Variants in KCNIP4 observed in about 807,000 individuals in gnomAD.
KCNIP4 encodes Kv channel-interacting protein 4.
In KCNIP4, 12 loss-of-function variants were observed where a neutral mutation model predicts 34.0. The observed-to-expected ratio is 0.35, with a 90% CI of 0.23 to 0.57. The LOEUF (loss-of-function observed/expected upper bound fraction) is 0.57. Among genes scored for constraint, KCNIP4 ranks in the 20% least tolerant of loss-of-function variants. The pLI is 0.83. For synonymous variants in KCNIP4, 124 were observed against 102.2 expected (o/e 1.21, Z -1.29); for missense variants, 238 against 311.7 (o/e 0.76, Z 1.78).
chr4:21,717,452 T>C (rs1714473375), intron 1 of KCNIP4, among the ~76,000 whole-genome samples: 1 of 152,144 alleles, frequency 6.6e-6, no homozygotes, highest in Admixed American at 6.5e-5. Context: ...CAAATGCACT[T>C]GGATTTAGCA....
intron 1 of KCNIP4, among the ~76,000 whole-genome samples, chr4:21,589,063 C>T (rs915382881): frequency 9.7e-5 from 14 of 144,754 alleles, no homozygotes; most frequent in South Asian, 4.3e-4. Context: ...TAGTGAGAGA[C>T]GAAAAGAAGA....
chr4:21,509,384 T>C (rs1734114547), intron 1 of KCNIP4, among the ~76,000 whole-genome samples: 1 of 152,150 alleles, frequency 6.6e-6, no homozygotes, highest in African/African-American at 2.4e-5. Context: ...AATATAAACC[T>C]CCTGCTGGAG....
At chr4:20,776,361 G>C (rs946751223) in intron 3 of KCNIP4, among the ~76,000 whole-genome samples, 4 of 152,078 alleles carry the variant, frequency 2.6e-5, no homozygotes, top group African/African-American at 9.7e-5. Context: ...CCCAGAAGGA[G>C]ATTAATATTT....
Position 21,843,538 on chromosome 4 carries a change from T to C in KCNIP4, c.61+105033A>G, listed in dbSNP as rs1723820555. ...GAAGTGGGTCATAAGACCCTCATTC[T>C]AGAGTGGCTTCCATATTCCCAGAAG... On this transcript the variant is annotated intron_variant, in intron 1 of 8. Coordinates refer to ENST00000382152, the MANE Select transcript of KCNIP4 (RefSeq NM_025221.6). 3 of 152,028 alleles carry C rather than the reference T, an allele frequency of 2.0e-5. No individual in the cohort carries two copies. In the South Asian group the frequency reaches 6.2e-4, roughly 32 times the overall value. 9.4% of individuals were successfully genotyped at this position (152,028 alleles called of 1,614,324 possible). A position where few individuals can be genotyped will look rare whatever the true frequency, so the allele number is the denominator to read the frequency against.
At chr4:20,827,726 C>A (rs1397520328) in intron 3 of KCNIP4, among the ~76,000 whole-genome samples, 2 of 150,780 alleles carry the variant, frequency 1.3e-5, no homozygotes, top group African/African-American at 4.9e-5. Flanking sequence ...TCTTTAAGCA[C>A]ATAGAGCAAA....
At position 20,728,772 on chromosome 4, in the gene KCNIP4, A is replaced by ACACCAGAATAGATACCTGATTT. The variant is rs1553880770; in HGVS notation, c.*1288_*1309dup. 6.6e-6 allele frequency: 1 copy of ACACCAGAATAGATACCTGATTT among 152,496 alleles called. No individual in the cohort carries two copies. Among genetic ancestry groups the ACACCAGAATAGATACCTGATTT allele is most frequent in the Admixed American group, 6.6e-5 (1 of 15,260 alleles). The allele number at this position is 152,496 out of a possible 1,614,324, so 9.4% of individuals were successfully genotyped here. ...GGGCAGCTTTCAACATCCTATCTCT[A>ACACCAGAATAGATACCTGATTT]CACCAGAATAGATACCTGATTTATT... On this transcript the variant is annotated 3_prime_UTR_variant, in exon 9 of 9. Coordinates refer to ENST00000382152, the MANE Select transcript of KCNIP4 (RefSeq NM_025221.6).
chr4:21,092,066 CT>C (rs1279679053), intron 1 of KCNIP4, among the ~76,000 whole-genome samples: 1 of 152,194 alleles, frequency 6.6e-6, no homozygotes, highest in Non-Finnish European at 1.5e-5. Context: ...AACCCAGAAA[CT>C]TCTGCAATGT....
chr4:21,764,862 A>C (rs1718301404), intron 1 of KCNIP4, among the ~76,000 whole-genome samples: 2 of 152,018 alleles, frequency 1.3e-5, no homozygotes, highest in Admixed American at 1.3e-4. Context: ...TGGAGTGTAC[A>C]GGCATTGAAG....
At chr4:21,434,353 C>T (rs1374088768) in intron 1 of KCNIP4, among the ~76,000 whole-genome samples, 4 of 152,084 alleles carry the variant, frequency 2.6e-5, no homozygotes, top group Non-Finnish European at 5.9e-5. Flanking sequence ...GGACAATTCT[C>T]ATAAAAAATG....
At chr4:21,038,991 G>A (rs1369647234) in intron 1 of KCNIP4, among the ~76,000 whole-genome samples, 1 of 152,186 alleles carries the variant, frequency 6.6e-6, no homozygotes, top group Non-Finnish European at 1.5e-5. Context: ...GTTCACTGCA[G>A]GCAGTTTTGT....
chr4:21,277,247 C>A (rs1762499713), intron 1 of KCNIP4, among the ~76,000 whole-genome samples: 1 of 151,988 alleles, frequency 6.6e-6, no homozygotes, highest in African/African-American at 2.4e-5. Context: ...TGAAAGTCAC[C>A]AATAAACAAG....
At position 20,933,690 on chromosome 4, in the gene KCNIP4, T is replaced by G. The variant is rs569920220; in HGVS notation, c.62-50981A>C. Among the ~76,000 whole-genome samples, 3 of 152,036 alleles carry G rather than the reference T, an allele frequency of 2.0e-5. No homozygotes were observed. The South Asian group carries it at 6.2e-4, about 32-fold the overall frequency. ...TAAGCTAAAATTATATGGATTTGACTCTTCATTTCCTTCTTTTGCCATAAC... is the reference window on the plus strand; with the variant it reads ...TAAGCTAAAATTATATGGATTTGACGCTTCATTTCCTTCTTTTGCCATAAC... On this transcript the variant is annotated intron_variant, in intron 1 of 8. Transcript: ENST00000382152.
intron 1 of KCNIP4, among the ~76,000 whole-genome samples, chr4:20,976,980 T>A (rs1160341598): frequency 6.6e-6 from 1 of 152,096 alleles, no homozygotes; most frequent in African/African-American, 2.4e-5. Flanking sequence ...ATTACAGGCA[T>A]GCACCACCAC....
intron 1 of KCNIP4, among the ~76,000 whole-genome samples, chr4:21,259,319 A>G (rs1442484858): frequency 2.0e-5 from 3 of 152,220 alleles, no homozygotes; most frequent in Admixed American, 6.5e-5. Flanking sequence ...ATGTGGTCAA[A>G]TACAGTGGGT....
chr4:20,784,683 A>G (rs1360693641), intron 3 of KCNIP4, among the ~76,000 whole-genome samples: 3 of 151,918 alleles, frequency 2.0e-5, no homozygotes, highest in Non-Finnish European at 4.4e-5. Context: ...AAAGTTATGG[A>G]ATGTGTAGGG....
chr4:21,133,015 A>G (rs80064749), intron 1 of KCNIP4, among the ~76,000 whole-genome samples: 2 of 17,388 alleles, frequency 1.2e-4, no homozygotes, highest in African/African-American at 2.5e-4. Context: ...TCCATCTCAG[A>G]AAAAAAAAAA....
At chr4:21,134,408 T>C (rs1751338245) in intron 1 of KCNIP4, among the ~76,000 whole-genome samples, 1 of 152,218 alleles carries the variant, frequency 6.6e-6, no homozygotes, top group African/African-American at 2.4e-5. Context: ...AAATACATGT[T>C]GATTTACTAT....
At chr4:20,864,245 T>A (rs1043804723) in intron 2 of KCNIP4, among the ~76,000 whole-genome samples, 2 of 96,222 alleles carry the variant, frequency 2.1e-5, no homozygotes, top group Non-Finnish European at 4.4e-5. Context: ...CACATATGTA[T>A]GTATATATGC....
At chr4:21,033,461 T>C (rs1422286495) in intron 1 of KCNIP4, among the ~76,000 whole-genome samples, 1 of 152,208 alleles carries the variant, frequency 6.6e-6, no homozygotes, top group Non-Finnish European at 1.5e-5. Flanking sequence ...AGGAAACCTT[T>C]AGTAAATATC....
Sources: gnomAD v4.1 joint callset for allele counts (sites outside exome capture counted in the v4.1 genomes callset) on GRCh38, gnomAD v4.1.1 for gene constraint, MANE v1.5 for transcripts, NCBI Gene and HGNC (gene_info 2026-07-23, HGNC 2026-07-21) for gene names.